CLPTM1L: variants seen among roughly 807,000 people sequenced by gnomAD.
CLPTM1L encodes the protein lipid scramblase CLPTM1L.
CLPTM1L carries 38 observed loss-of-function variants against 70.9 expected under a neutral mutation model. That is an observed-to-expected ratio of 0.54 (90% CI 0.41 to 0.70). The LOEUF (loss-of-function observed/expected upper bound fraction) is 0.70, where lower values mean the gene tolerates loss of function less well. CLPTM1L is among the 30% of genes least tolerant of loss of function. The pLI is 0.00. For synonymous variants in CLPTM1L, 339 were observed against 299.9 expected (o/e 1.13, Z -1.35); for missense variants, 652 against 705.9 (o/e 0.92, Z 0.87).
At chr5:1,327,973 A>G (rs1265693786) in intron 9 of CLPTM1L, among the ~76,000 whole-genome samples, 2 of 18,064 alleles carry the variant, frequency 1.1e-4, no homozygotes, top group Non-Finnish European at 1.1e-4. Context: ...CTCCTCCTCT[A>G]CAGACACATT....
chr5:1,320,465 T>G, intron 16 of CLPTM1L, 151 bp downstream of exon 16: 1 of 489,834 alleles, frequency 2.0e-6, no homozygotes, highest in Non-Finnish European at 3.6e-6. Flanking sequence ...GAACCCAAGT[T>G]TAGGCAAGAC....
At chr5:1,321,944 G>A (rs1413143909) in intron 13 of CLPTM1L, 125 bp from the exon 14 acceptor site, 3 of 843,602 alleles carry the variant, frequency 3.6e-6, no homozygotes, top group Non-Finnish European at 2.0e-6. Context: ...CAGAAAACAA[G>A]GTCTGCTATC....
In CLPTM1L at chr5:1,344,553, A is replaced by G. The variant is rs575256941; in HGVS notation, c.163-102T>C. The G allele has an allele frequency of 2.1e-5, 30 of 1,446,586 alleles. No homozygotes were observed. In the South Asian group the frequency reaches 3.5e-4, roughly 17 times the overall value. The allele number at this position is 1,446,586 out of a possible 1,614,324, so 89.6% of individuals were successfully genotyped here. A position where few individuals can be genotyped will look rare whatever the true frequency, so the allele number is the denominator to read the frequency against. ...GGGCGGAAGACCTGGCCGCTGGGGA[A>G]CCAGGAAAGGTTCCATCTCGACTCG... On this transcript the variant is annotated intron_variant, in intron 1 of 16. Coordinates refer to ENST00000320895, the MANE Select transcript of CLPTM1L (RefSeq NM_030782.5).
In CLPTM1L at chr5:1,319,565, C is replaced by A. The variant is rs451360; in HGVS notation, c.1532+1051G>T. Reference sequence around the variant, plus strand: ...ACGGGAGCACTGCGCTCCCCAAGGGCCGGCACCCCGGACCTAGGCAGGACC... The same window carrying A: ...ACGGGAGCACTGCGCTCCCCAAGGGACGGCACCCCGGACCTAGGCAGGACC... On this transcript the variant is annotated intron_variant, in intron 16 of 16. Transcript: ENST00000320895. Among the ~76,000 whole-genome samples the A allele has an allele frequency of 0.15, 23,288 of 152,252 alleles. 2,193 individuals are homozygous for A. Among genetic ancestry groups the A allele is most frequent in the Non-Finnish European group, 0.22 (14,664 of 67,976 alleles).
rs1411802043 is a variant in CLPTM1L, at chr5:1,328,862, A to T, written c.1080+1418T>A. Among the ~76,000 whole-genome samples, 276 of 151,192 alleles carry T rather than the reference A, an allele frequency of 1.8e-3. 1 individual carries two copies. The highest frequency in any genetic ancestry group is 6.3e-3 in the African/African-American group (257 of 41,062). ...CCTCCTCTACAGACACATTTCATCC[A>T]GCTCCTCCTCTACAGACACATTCCA... On this transcript the variant is annotated intron_variant, in intron 9 of 16. Coordinates refer to ENST00000320895, the MANE Select transcript of CLPTM1L (RefSeq NM_030782.5).
At chr5:1,320,525 G>A (rs768030463) in intron 16 of CLPTM1L, 91 bp downstream of exon 16, 4 of 641,606 alleles carry the variant, frequency 6.2e-6, no homozygotes, top group Non-Finnish European at 1.0e-5. Flanking sequence ...TGGATAAACA[G>A]GCGCAGGGTG....
At chr5:1,322,193 G>A (rs1388788909) in intron 13 of CLPTM1L, among the ~76,000 whole-genome samples, 1 of 152,208 alleles carries the variant, frequency 6.6e-6, no homozygotes, top group Admixed American at 6.5e-5. Flanking sequence ...GAGGACGGCA[G>A]TGCGGGACCC....
intron 4 of CLPTM1L, chr5:1,338,235 G>C: frequency 1.8e-6 from 1 of 563,252 alleles, no homozygotes. Flanking sequence ...CGGCCACTAG[G>C]AGCGGGGGAA....
intron 9 of CLPTM1L, among the ~76,000 whole-genome samples, chr5:1,327,611 C>A (rs1264444122): frequency 3.3e-5 from 5 of 150,414 alleles, no homozygotes; most frequent in Admixed American, 6.6e-5. Context: ...CACATTTCAT[C>A]CAGCTCCTCC....
intron 5 of CLPTM1L, among the ~76,000 whole-genome samples, chr5:1,337,265 A>T (rs1241100652): frequency 6.6e-6 from 1 of 152,266 alleles, no homozygotes; most frequent in Non-Finnish European, 1.5e-5. Context: ...AAGAGACATT[A>T]AATATTAACT....
In CLPTM1L at chr5:1,320,622, T is replaced by C; in HGVS notation, c.1526A>G (p.Gln509Arg). Reference protein sequence around the residue: ...DDVVFLVYLYQRWLYPVDKRR... With the variant: ...DDVVFLVYLYRRWLYPVDKRR... Reference sequence around the variant, plus strand: ...CATACGCAGCCGCACTCACCACCGCTGGTACAGGTAGACCAGAAACACCAC... The same window carrying C: ...CATACGCAGCCGCACTCACCACCGCCGGTACAGGTAGACCAGAAACACCAC... The change falls in exon 16 of 17, where the codon CAG becomes CGG. Residue 509 changes from glutamine to arginine, a missense_variant. By Grantham distance (43) the Gln-to-Arg change is conservative. Transcript: ENST00000320895. 6.5e-7 allele frequency: 1 copy of C among 1,532,076 alleles called. No homozygotes were observed. The highest frequency in any genetic ancestry group is 8.8e-7 in the Non-Finnish European group (1 of 1,134,734). The allele number at this position is 1,532,076 out of a possible 1,614,324, so 94.9% of individuals were successfully genotyped here. A position where few individuals can be genotyped will look rare whatever the true frequency, so the allele number is the denominator to read the frequency against.
intron 15 of CLPTM1L, among the ~76,000 whole-genome samples, chr5:1,321,047 C>T (rs958893823): frequency 6.6e-6 from 1 of 152,198 alleles, no homozygotes; most frequent in African/African-American, 2.4e-5. Flanking sequence ...GGCAGAGCCA[C>T]CTGAGACCAG....
chr5:1,325,252 G>C (rs1752449279), intron 10 of CLPTM1L: 1 of 251,748 alleles, frequency 4.0e-6, no homozygotes. Flanking sequence ...TGTGACTGCT[G>C]AGGGCCCCGC....
rs1754139905 is a variant in CLPTM1L at position 1,344,395 on chromosome 5, C to T, written c.219G>A (p.Leu73=). The T allele has an allele frequency of 6.2e-7, 1 of 1,613,934 alleles. No individual in the cohort carries two copies. The highest frequency in any genetic ancestry group is 1.1e-5 in the South Asian group (1 of 91,090). The stretch of plus-strand genomic sequence containing the variant: ...CATCAAAGTCTTCCACATTCAAGAC[C>T]AGGTCGATGTTGTTCTCAGCACCCA... ...SHLGAENNID[L]VLNVEDFDVE... Residue 73 remains leucine, a synonymous_variant, in exon 2 of 17, where the codon CTG becomes CTA. Transcript: ENST00000320895.
chr5:1,334,125 C>T (rs796264421), intron 7 of CLPTM1L, among the ~76,000 whole-genome samples, 164 bp downstream of exon 7: 1 of 152,152 alleles, frequency 6.6e-6, no homozygotes, highest in African/African-American at 2.4e-5. Context: ...GGACAATGGT[C>T]GCCTGGTGTC....
intron 3 of CLPTM1L, among the ~76,000 whole-genome samples, chr5:1,340,776 T>A (rs756277674): frequency 3.9e-5 from 6 of 152,136 alleles, no homozygotes; most frequent in Non-Finnish European, 8.8e-5. Context: ...AAAGCTGCCA[T>A]CTTTCTTGTT....
chr5:1,341,824 G>A lies in CLPTM1L; in HGVS notation c.300C>T (p.Asn100=). The change falls in exon 3 of 17, where the codon AAC becomes AAT. Residue 100 remains asparagine (N), a synonymous_variant. Coordinates refer to ENST00000320895, the MANE Select transcript of CLPTM1L (RefSeq NM_030782.5). ...VNVSVPKKTR[N]NGTLYAYIFL... is the part of the protein sequence containing the mutation. ...AGATGTAGGCATACAGCGTCCCATTGTTTCTCGTTTTCTTTGGTACAGAAA... is the reference window on the plus strand; with the variant it reads ...AGATGTAGGCATACAGCGTCCCATTATTTCTCGTTTTCTTTGGTACAGAAA... 6.2e-7 allele frequency: 1 copy of A among 1,613,906 alleles called. No homozygotes were observed. Among genetic ancestry groups the A allele is most frequent in the Admixed American group, 1.7e-5 (1 of 59,968 alleles).
At chr5:1,343,367 G>A (rs779718393) in intron 2 of CLPTM1L, among the ~76,000 whole-genome samples, 9 of 152,302 alleles carry the variant, frequency 5.9e-5, no homozygotes, top group East Asian at 1.9e-4. Context: ...CACTTGAGGC[G>A]GAGCTGTGTT....
intron 4 of CLPTM1L, among the ~76,000 whole-genome samples, chr5:1,338,500 T>C (rs114079244): frequency 0.017 from 2,652 of 152,324 alleles, 38 homozygotes; most frequent in Non-Finnish European, 0.024. Context: ...TGATGGCAAG[T>C]GATACTAAAT....
Sources: gnomAD v4.1 joint callset for allele counts (sites outside exome capture counted in the v4.1 genomes callset) on GRCh38, gnomAD v4.1.1 for gene constraint, MANE v1.5 for transcripts, NCBI Gene and HGNC (gene_info 2026-07-23, HGNC 2026-07-21) for gene names.